Variants in PHACTR1 observed in about 807,000 individuals in gnomAD.
The protein encoded by PHACTR1 is RPEL repeat containing 1.
In PHACTR1, 16 loss-of-function variants were observed where a neutral mutation model predicts 69.2. The ratio of observed to expected loss-of-function variants is 0.23; its 90% CI spans 0.16 to 0.35. The LOEUF (loss-of-function observed/expected upper bound fraction) is 0.35. Among genes scored for constraint, PHACTR1 ranks in the 10% least tolerant of loss-of-function variants. The probability of loss-of-function intolerance (pLI) is 1.00; values close to 1 mark genes in which losing one functional copy is unlikely to be tolerated. For missense variants in PHACTR1, 510 were observed against 734.7 expected (o/e 0.69, Z 3.54); for synonymous variants, 312 against 284.5 (o/e 1.10, Z -0.97).
At chr6:13,155,135 A>G (rs1422221298) in intron 5 of PHACTR1, among the ~76,000 whole-genome samples, 1 of 152,062 alleles carries the variant, frequency 6.6e-6, no homozygotes, top group East Asian at 1.9e-4. Flanking sequence ...GATTAACCCC[A>G]GGTCTTAGAA....
Position 13,278,336 on chromosome 6 carries a change from G to A in PHACTR1, c.1509+7G>A. 1.3e-6 allele frequency: 2 copies of A among 1,588,414 alleles called. No individual in the cohort carries two copies. The highest frequency in any genetic ancestry group is 8.6e-7 in the Non-Finnish European group (1 of 1,167,240). On this transcript the variant is annotated splice_region_variant and intron_variant, in intron 12 of 14. Coordinates refer to ENST00000332995, the MANE Select transcript of PHACTR1 (RefSeq NM_030948.6). ...GAGGAGGCTAACCCGAAAGGTAGGT[G>A]GTTCTCCATGCCAAGAGCTGGGACA... is the stretch of plus-strand genomic sequence containing the variant.
intron 4 of PHACTR1, among the ~76,000 whole-genome samples, chr6:13,047,518 C>T (rs1305266229): frequency 6.6e-6 from 1 of 151,512 alleles, no homozygotes; most frequent in East Asian, 1.9e-4. Context: ...CTTCTAATTA[C>T]AAGCAAAAGC....
chr6:12,926,545 C>T (rs566054325), intron 4 of PHACTR1, among the ~76,000 whole-genome samples: 1 of 152,350 alleles, frequency 6.6e-6, no homozygotes, highest in East Asian at 1.9e-4. Context: ...CCAGGCTCCA[C>T]CTGCTCCACC....
chr6:13,112,828 G>C (rs970509327), intron 5 of PHACTR1, among the ~76,000 whole-genome samples: 5 of 152,050 alleles, frequency 3.3e-5, no homozygotes, highest in Non-Finnish European at 5.9e-5. Flanking sequence ...TAGGTTGTCT[G>C]TTCACTCTGT....
At chr6:12,774,619 C>T (rs1769818160) in intron 4 of PHACTR1, among the ~76,000 whole-genome samples, 1 of 152,146 alleles carries the variant, frequency 6.6e-6, no homozygotes, top group Non-Finnish European at 1.5e-5. Context: ...GTCTCAAACT[C>T]CTGACCTCCT....
chr6:13,120,313 T>C (rs994477824), intron 5 of PHACTR1, among the ~76,000 whole-genome samples: 5 of 151,682 alleles, frequency 3.3e-5, no homozygotes, highest in Non-Finnish European at 7.4e-5. Flanking sequence ...TTAAACAAAG[T>C]AGGAAAACAG....
chr6:13,044,616 A>G (rs1003923002), intron 4 of PHACTR1, among the ~76,000 whole-genome samples: 2 of 151,838 alleles, frequency 1.3e-5, no homozygotes, highest in Admixed American at 1.3e-4. Context: ...AGGAGGAGTG[A>G]CTCTCCAGAG....
At chr6:13,162,042 G>A (rs1464123112) in intron 6 of PHACTR1, among the ~76,000 whole-genome samples, 6 of 152,052 alleles carry the variant, frequency 3.9e-5, no homozygotes, top group African/African-American at 1.4e-4. Context: ...TACTTTTCTT[G>A]CATTTCTTCA....
At chr6:12,933,071 G>T (rs1277353999) in intron 4 of PHACTR1, among the ~76,000 whole-genome samples, 1 of 151,970 alleles carries the variant, frequency 6.6e-6, no homozygotes. Flanking sequence ...AAGTAGCTGG[G>T]ATTACAGGCA....
At chr6:13,101,723 A>G (rs550337852) in intron 5 of PHACTR1, among the ~76,000 whole-genome samples, 4 of 152,324 alleles carry the variant, frequency 2.6e-5, no homozygotes, top group South Asian at 2.1e-4. Flanking sequence ...AGCAAAAAGT[A>G]TGTTGCCAGA....
intron 4 of PHACTR1, among the ~76,000 whole-genome samples, chr6:12,984,777 T>TTCA (rs144105374): frequency 8.7e-6 from 1 of 114,748 alleles, no homozygotes; most frequent in South Asian, 2.9e-4. Context: ...AGCAGTTTGT[T>TTCA]TCATAAGGAA....
At chr6:12,829,063 C>G (rs767584669) in intron 4 of PHACTR1, among the ~76,000 whole-genome samples, 1 of 151,960 alleles carries the variant, frequency 6.6e-6, no homozygotes, top group Non-Finnish European at 1.5e-5. Context: ...ACTCCGTACC[C>G]CATAAATGTG....
chr6:13,024,216 C>T lies in PHACTR1; in HGVS notation c.251-29149C>T, dbSNP rs1801380452. 2.6e-5 allele frequency among the ~76,000 whole-genome samples: 4 copies of T among 152,300 alleles called. No homozygotes were observed. The South Asian group carries it at 8.3e-4, about 32-fold the overall frequency. Reference sequence around the variant, plus strand: ...AAGATTTGGCACCAGTATGTCCTCGCACAACTTGAAGGCTGAAATCTGCTG... The same window carrying T: ...AAGATTTGGCACCAGTATGTCCTCGTACAACTTGAAGGCTGAAATCTGCTG... On this transcript the variant is annotated intron_variant, in intron 4 of 14. Transcript: ENST00000332995.
chr6:13,027,615 A>G (rs889281194), intron 4 of PHACTR1, among the ~76,000 whole-genome samples: 9 of 152,200 alleles, frequency 5.9e-5, no homozygotes, highest in African/African-American at 1.2e-4. Flanking sequence ...GCCAACTTCA[A>G]TGAGATGTTT....
At chr6:12,847,182 G>T (rs1779369786) in intron 4 of PHACTR1, among the ~76,000 whole-genome samples, 1 of 152,080 alleles carries the variant, frequency 6.6e-6, no homozygotes, top group Non-Finnish European at 1.5e-5. Flanking sequence ...TTGCTGCATG[G>T]TCTTCATAGT....
intron 4 of PHACTR1, among the ~76,000 whole-genome samples, chr6:12,813,878 A>G (rs1775294483): frequency 6.6e-6 from 1 of 152,204 alleles, no homozygotes; most frequent in African/African-American, 2.4e-5. Flanking sequence ...CTTGCTAGGA[A>G]CACAGGATCT....
chr6:13,178,707 G>A (rs984925949), intron 6 of PHACTR1, among the ~76,000 whole-genome samples: 9 of 152,150 alleles, frequency 5.9e-5, no homozygotes, highest in African/African-American at 2.2e-4. Flanking sequence ...AGGTTATTGT[G>A]TACCATTTTT....
At chr6:12,918,451 A>G (rs889179503) in intron 4 of PHACTR1, among the ~76,000 whole-genome samples, 4 of 152,230 alleles carry the variant, frequency 2.6e-5, no homozygotes, top group African/African-American at 9.6e-5. Flanking sequence ...TAGTGAAAGG[A>G]CTTGAGCACA....
intron 4 of PHACTR1, among the ~76,000 whole-genome samples, chr6:12,913,687 G>C (rs1427104521): frequency 6.6e-6 from 1 of 152,176 alleles, no homozygotes; most frequent in East Asian, 1.9e-4. Flanking sequence ...CAAATCCTGA[G>C]AGGTCTGATG....
Sources: gnomAD v4.1 joint callset for allele counts (sites outside exome capture counted in the v4.1 genomes callset) on GRCh38, gnomAD v4.1.1 for gene constraint, MANE v1.5 for transcripts, NCBI Gene and HGNC (gene_info 2026-07-23, HGNC 2026-07-21) for gene names.